The following FNBP1 variants were observed in gnomAD, a reference collection of about 807,000 sequenced individuals.
FNBP1 encodes formin binding protein 1.
In FNBP1, 26 loss-of-function variants were observed where a neutral mutation model predicts 90.6. The ratio of observed to expected loss-of-function variants is 0.29; its 90% CI spans 0.21 to 0.40. The LOEUF is 0.40. Ranked by LOEUF, FNBP1 falls within the 10% of genes least tolerant of loss-of-function variation. The probability of loss-of-function intolerance (pLI) is 1.00; values close to 1 mark genes in which losing one functional copy is unlikely to be tolerated. For synonymous variants in FNBP1, 260 were observed against 265.2 expected (o/e 0.98, Z 0.19); for missense variants, 635 against 768.0 (o/e 0.83, Z 2.05).
chr9:130,020,844 C>A (rs2057758825), intron 1 of FNBP1, among the ~76,000 whole-genome samples: 1 of 152,070 alleles, frequency 6.6e-6, no homozygotes, highest in South Asian at 2.1e-4. Flanking sequence ...GGCCTTCGTT[C>A]CCATTGCAGG....
chr9:129,966,756 C>T lies in FNBP1; in HGVS notation c.346-8203G>A, dbSNP rs1168232943. Reference sequence around the variant, plus strand: ...TAAACAACAACAACAACAACAACAACAACAACAAAAGAAAGGAAGTGACAT... The same window carrying T: ...TAAACAACAACAACAACAACAACAATAACAACAAAAGAAAGGAAGTGACAT... On this transcript the variant is annotated intron_variant, in intron 4 of 16. Transcript: ENST00000446176. The surrounding 1 kb of genome is among the most constrained non-coding windows in gnomAD (Gnocchi z 4.3). Among the ~76,000 whole-genome samples the T allele has an allele frequency of 2.6e-5, 4 of 151,984 alleles. No individual in the cohort carries two copies. The highest frequency in any genetic ancestry group is 9.7e-5 in the African/African-American group (4 of 41,398).
At chr9:129,981,829 T>C (rs899266445) in intron 2 of FNBP1, among the ~76,000 whole-genome samples, 22 of 152,198 alleles carry the variant, frequency 1.4e-4, no homozygotes, top group African/African-American at 5.3e-4. Context: ...CAGTAGAATA[T>C]TAACTGCTGC....
intron 13 of FNBP1, among the ~76,000 whole-genome samples, chr9:129,902,456 TAA>T (rs1047015911): frequency 2.6e-5 from 4 of 151,672 alleles, no homozygotes; most frequent in Non-Finnish European, 5.9e-5. Flanking sequence ...AATTGAAAAA[TAA>T]AAGTTAGCCA....
intron 6 of FNBP1, among the ~76,000 whole-genome samples, chr9:129,943,324 C>G (rs1206950886): frequency 6.7e-6 from 1 of 148,682 alleles, no homozygotes; most frequent in Admixed American, 6.7e-5. Flanking sequence ...CCTCATTGAT[C>G]GTTTTTATAA....
intron 6 of FNBP1, among the ~76,000 whole-genome samples, chr9:129,931,544 T>G (rs868346779): frequency 1.3e-4 from 19 of 151,824 alleles, no homozygotes; most frequent in Non-Finnish European, 2.6e-4. Context: ...AGGCGGAGCT[T>G]GCAATGAGCC....
chr9:130,046,580 C>CAAAAAAAAAA (rs56392821), upstream of FNBP1, among the ~76,000 whole-genome samples: 104 of 66,776 alleles, frequency 1.6e-3, no homozygotes, highest in Non-Finnish European at 1.7e-3. Context: ...ACTAAAAATA[C>CAAAAAAAAAA]AAAAAAAAAA....
At chr9:129,904,047 A>G (rs1043579447) in intron 12 of FNBP1, among the ~76,000 whole-genome samples, 1 of 152,152 alleles carries the variant, frequency 6.6e-6, no homozygotes, top group Admixed American at 6.6e-5. Flanking sequence ...AAACAAAACA[A>G]AACAAACAAA....
At position 130,042,775 on chromosome 9, in the gene FNBP1, C is replaced by T. The variant is rs2132482049; in HGVS notation, c.24+177G>A. Among the ~76,000 whole-genome samples the T allele has an allele frequency of 6.6e-6, 1 of 151,954 alleles. No homozygotes were observed. Among genetic ancestry groups the T allele is most frequent in the South Asian group, 2.1e-4 (1 of 4,824 alleles). ...CGAAGGACAAGCCGGCCCGCACCTC[C>T]TGCTCGGGCCAAGGCGGACGAGGGG... On this transcript the variant is annotated intron_variant, in intron 1 of 16. Transcript: ENST00000446176. The surrounding 1 kb of genome is among the most constrained non-coding windows in gnomAD (Gnocchi z 5.5).
rs186047218 is a variant in FNBP1 at position 130,033,990 on chromosome 9, T to C, written c.24+8962A>G. 7.7e-4 allele frequency among the ~76,000 whole-genome samples: 111 copies of C among 143,988 alleles called. No individual in the cohort carries two copies. The East Asian group carries it at 0.019, about 24-fold the overall frequency. The allele number at this position is 143,988 out of a possible 152,430, so 94.5% of individuals were successfully genotyped here. A position where few individuals can be genotyped will look rare whatever the true frequency, so the allele number is the denominator to read the frequency against. ...GAGATTGCGCCACCGCACTCCAGCC[T>C]GGGTGACAGAACAAGACTCTGTCTC... On this transcript the variant is annotated intron_variant, in intron 1 of 16. Transcript: ENST00000446176.
chr9:129,916,918 G>C (rs2040344283), intron 10 of FNBP1, among the ~76,000 whole-genome samples: 1 of 152,160 alleles, frequency 6.6e-6, no homozygotes, highest in Non-Finnish European at 1.5e-5. Flanking sequence ...CCCGAGAAGT[G>C]TGTGCCACCC....
At chr9:130,035,282 CA>C (rs1209880557) in intron 1 of FNBP1, among the ~76,000 whole-genome samples, 2 of 152,220 alleles carry the variant, frequency 1.3e-5, no homozygotes, top group Non-Finnish European at 1.5e-5. Flanking sequence ...CAGCCAAGGC[CA>C]TCCTCTTCTT....
At chr9:129,944,710 C>T (rs894565695) in intron 6 of FNBP1, among the ~76,000 whole-genome samples, 1 of 152,156 alleles carries the variant, frequency 6.6e-6, no homozygotes, top group Non-Finnish European at 1.5e-5. Context: ...TGAAACCTCA[C>T]ACCCAGCCCT....
chr9:130,051,195 CT>C, the FNBP1 span, among the ~76,000 whole-genome samples: 3 of 151,978 alleles, frequency 2.0e-5, no homozygotes, highest in African/African-American at 7.2e-5. Flanking sequence ...GCCACCGCCC[CT>C]GGCCTAATTT....
intron 15 of FNBP1, among the ~76,000 whole-genome samples, chr9:129,898,019 G>A (rs1268589834): frequency 1.3e-5 from 2 of 151,712 alleles, no homozygotes; most frequent in Non-Finnish European, 2.9e-5. Flanking sequence ...TAGTAGAGAC[G>A]GGGTTTCATC....
At chr9:130,043,319 C>T (rs1276893022), upstream of FNBP1, 1 of 190,552 alleles carries the variant, frequency 5.2e-6, no homozygotes, top group African/African-American at 2.3e-5. Flanking sequence ...CCCCCGGGCT[C>T]CCCCGGCCGG....
chr9:129,888,072 A>ATT lies in FNBP1; in HGVS notation c.*2465_*2466dup. 1 of 232,882 alleles carries ATT rather than the reference A, an allele frequency of 4.3e-6. No homozygotes were observed. Among genetic ancestry groups the ATT allele is most frequent in the South Asian group, 1.8e-4 (1 of 5,532 alleles). The allele number at this position is 232,882 out of a possible 1,614,324, so 14.4% of individuals were successfully genotyped here. A position where few individuals can be genotyped will look rare whatever the true frequency, so the allele number is the denominator to read the frequency against. On this transcript the variant is annotated 3_prime_UTR_variant, in exon 17 of 17. Transcript: ENST00000446176. Reference sequence around the variant, plus strand: ...AACATTTAAGAGCACTCGCTATAACATTCTTTTTGGACGCAGGTGGTGGAA... The same window carrying ATT: ...AACATTTAAGAGCACTCGCTATAACATTTTCTTTTTGGACGCAGGTGGTGGAA...
chr9:130,021,966 A>T (rs2057875263), intron 1 of FNBP1, among the ~76,000 whole-genome samples: 1 of 151,994 alleles, frequency 6.6e-6, no homozygotes, highest in African/African-American at 2.4e-5. Flanking sequence ...GGCTCAGGTG[A>T]TCCTCCCACC....
chr9:129,953,944 C>T (rs1012312725), intron 6 of FNBP1, among the ~76,000 whole-genome samples: 1 of 151,860 alleles, frequency 6.6e-6, no homozygotes, highest in Non-Finnish European at 1.5e-5. Flanking sequence ...GTGGTTCATG[C>T]CCATAATCCT....
the FNBP1 span, among the ~76,000 whole-genome samples, chr9:130,050,952 G>C: frequency 6.7e-6 from 1 of 150,248 alleles, no homozygotes; most frequent in East Asian, 2.0e-4. Context: ...ACAGGCTGGA[G>C]TGCAATGGTA....
Sources: allele counts gnomAD v4.1 joint callset (sites outside exome capture counted in the v4.1 genomes callset), GRCh38; gene constraint gnomAD v4.1.1; non-coding constraint Gnocchi (gnomAD v3.1); transcripts MANE v1.5; gene names NCBI Gene and HGNC (gene_info 2026-07-23, HGNC 2026-07-21).